ABI1: variants seen among roughly 807,000 people sequenced by gnomAD.
ABI1 encodes the protein Abelson interactor 1.
ABI1 carries 14 observed loss-of-function variants against 54.6 expected under a neutral mutation model. That is an observed-to-expected ratio of 0.26 (90% CI 0.17 to 0.40). The LOEUF is 0.40. ABI1 is among the 10% of genes least tolerant of loss of function. ABI1 has a pLI of 1.00. For missense variants in ABI1, 443 were observed against 598.3 expected (o/e 0.74, Z 2.71); for synonymous variants, 194 against 209.3 (o/e 0.93, Z 0.63).
chr10:26,755,633 A>T (rs898643176), intron 9 of ABI1, 22 bp downstream of exon 9: 8 of 1,582,124 alleles, frequency 5.1e-6, no homozygotes, highest in Non-Finnish European at 6.9e-6. Context: ...ACTCTTCCAT[A>T]GCTCAGTTTT....
intron 1 of ABI1, among the ~76,000 whole-genome samples, chr10:26,835,105 A>AAAAC (rs1554829824): frequency 1.3e-5 from 2 of 149,650 alleles, no homozygotes; most frequent in Non-Finnish European, 1.5e-5. Context: ...AAAAAAAAAA[A>AAAAC]AAAAAAAAAA....
intron 2 of ABI1, among the ~76,000 whole-genome samples, chr10:26,781,483 A>T (rs913706558): frequency 6.6e-6 from 1 of 152,204 alleles, no homozygotes; most frequent in African/African-American, 2.4e-5. Flanking sequence ...TTCACTGATG[A>T]TTCAACTAAG....
intron 8 of ABI1, among the ~76,000 whole-genome samples, chr10:26,757,956 T>C (rs1335232260): frequency 6.6e-6 from 1 of 150,382 alleles, no homozygotes; most frequent in Non-Finnish European, 1.5e-5. Flanking sequence ...TAATCCCAGC[T>C]ACTCAGGTGG....
chr10:26,823,341 G>C (rs369947985), intron 1 of ABI1, 36 bp from the exon 2 acceptor site: 13 of 1,410,240 alleles, frequency 9.2e-6, no homozygotes, highest in Admixed American at 2.8e-5. Flanking sequence ...TACTTATTTA[G>C]ATTAACATTC....
Position 26,785,689 on chromosome 10 carries a change from C to T in ABI1, c.286-8448G>A, listed in dbSNP as rs538980650. On this transcript the variant is annotated intron_variant, in intron 2 of 10. Coordinates refer to ENST00000376140, the MANE Select transcript of ABI1 (RefSeq NM_001012750.3). ...GCAGTGAACCAAGATCAAGCCACTG[C>T]ACTCTAGCCTGGGCGACAGAGTCAG... Among the ~76,000 whole-genome samples the T allele has an allele frequency of 4.6e-5, 7 of 151,712 alleles. No homozygotes were observed. The East Asian group carries it at 1.4e-3, about 29-fold the overall frequency.
intron 2 of ABI1, among the ~76,000 whole-genome samples, chr10:26,817,495 G>C (rs1366609676): frequency 1.3e-5 from 2 of 152,120 alleles, no homozygotes; most frequent in African/African-American, 4.8e-5. Flanking sequence ...AAATAAGCTG[G>C]GCACAATGGC....
chr10:26,809,008 G>A (rs185390540), intron 2 of ABI1, among the ~76,000 whole-genome samples: 3 of 151,442 alleles, frequency 2.0e-5, no homozygotes, highest in East Asian at 2.0e-4. Flanking sequence ...GGTGGCTCAC[G>A]CCTGTAATCC....
At position 26,770,134 on chromosome 10, in the gene ABI1, C is replaced by T. The variant is rs371746671; in HGVS notation, c.578+111G>A. 12 of 767,212 alleles carry T rather than the reference C, an allele frequency of 1.6e-5. No homozygotes were observed. The Middle Eastern group carries it at 9.5e-4, about 61-fold the overall frequency. 47.5% of individuals were successfully genotyped at this position (767,212 alleles called of 1,614,324 possible). A position where few individuals can be genotyped will look rare whatever the true frequency, so the allele number is the denominator to read the frequency against. Reference sequence around the variant, plus strand: ...ATTAAAATGAATTTGTAAAAGGTAGCGTCACATAGAGAGGGTAGTGTGGCA... The same window carrying T: ...ATTAAAATGAATTTGTAAAAGGTAGTGTCACATAGAGAGGGTAGTGTGGCA... On this transcript the variant is annotated intron_variant, in intron 5 of 10. Coordinates refer to ENST00000376140, the MANE Select transcript of ABI1 (RefSeq NM_001012750.3).
chr10:26,791,610 T>C (rs1290780044), intron 2 of ABI1, among the ~76,000 whole-genome samples: 2 of 152,122 alleles, frequency 1.3e-5, no homozygotes, highest in African/African-American at 4.8e-5. Context: ...AACTTGCCTA[T>C]TGAGATACGA....
intron 7 of ABI1, among the ~76,000 whole-genome samples, chr10:26,762,461 A>G (rs1040868473): frequency 5.9e-5 from 9 of 152,028 alleles, no homozygotes; most frequent in Non-Finnish European, 8.8e-5. Flanking sequence ...CACTCTGAAA[A>G]CCACTGTTCT....
rs530972142 is a variant in ABI1, at chr10:26,770,208, A to G, written c.578+37T>C. ...TCACAGAAACATCTTTTCCTTTAGC[A>G]TATGAATTCTTTTGCAAAATGTAGT... On this transcript the variant is annotated intron_variant, in intron 5 of 10. Coordinates refer to ENST00000376140, the MANE Select transcript of ABI1 (RefSeq NM_001012750.3). 27 of 1,534,772 alleles carry G rather than the reference A, an allele frequency of 1.8e-5. No homozygotes were observed. In the South Asian group the frequency reaches 2.8e-4, roughly 16 times the overall value.
intron 2 of ABI1, among the ~76,000 whole-genome samples, chr10:26,811,687 A>T (rs184453876): frequency 1.1e-4 from 16 of 152,254 alleles, no homozygotes; most frequent in African/African-American, 3.6e-4. Context: ...TTAAAATTCC[A>T]ATTTTAATCT....
intron 3 of ABI1, among the ~76,000 whole-genome samples, chr10:26,772,045 G>T (rs1012666080): frequency 1.3e-5 from 2 of 150,618 alleles, no homozygotes; most frequent in Non-Finnish European, 3.0e-5. Context: ...CCATTTTTCA[G>T]GTGGCCACAA....
intron 1 of ABI1, among the ~76,000 whole-genome samples, chr10:26,839,346 A>C (rs2049316911): frequency 6.6e-6 from 1 of 152,056 alleles, no homozygotes; most frequent in Non-Finnish European, 1.5e-5. Context: ...AAATATAAAA[A>C]TTAGCCAGGC....
At chr10:26,836,271 C>T (rs1380751731) in intron 1 of ABI1, among the ~76,000 whole-genome samples, 1 of 151,928 alleles carries the variant, frequency 6.6e-6, no homozygotes, top group East Asian at 1.9e-4. Flanking sequence ...CGCCACCACA[C>T]CTGGCTATTT....
intron 1 of ABI1, among the ~76,000 whole-genome samples, chr10:26,836,009 T>A (rs569358310): frequency 6.6e-5 from 10 of 152,248 alleles, no homozygotes; most frequent in Non-Finnish European, 1.3e-4. Context: ...TGCCTCAGCC[T>A]CCTAAACTGC....
chr10:26,798,582 C>T (rs529918487), intron 2 of ABI1, among the ~76,000 whole-genome samples: 1 of 152,092 alleles, frequency 6.6e-6, no homozygotes, highest in Admixed American at 6.6e-5. Flanking sequence ...AACTTCTGAC[C>T]TCCAGAACTG....
At position 26,847,953 on chromosome 10, in the gene ABI1, G is replaced by A. The variant is rs149053017; in HGVS notation, c.117+12794C>T. ...GAGGCCGAGTCAGGAGGATTGCTAC[G>A]TTGGGAGGCCGAGTCAGGAGGATTG... On this transcript the variant is annotated intron_variant, in intron 1 of 10. Coordinates refer to ENST00000376140, the MANE Select transcript of ABI1 (RefSeq NM_001012750.3). 2.2e-3 allele frequency among the ~76,000 whole-genome samples: 334 copies of A among 151,682 alleles called. 3 individuals carry two copies. The highest frequency in any genetic ancestry group is 7.7e-3 in the African/African-American group (320 of 41,386).
At chr10:26,844,881 C>G (rs1003495992) in intron 1 of ABI1, among the ~76,000 whole-genome samples, 1 of 152,184 alleles carries the variant, frequency 6.6e-6, no homozygotes, top group African/African-American at 2.4e-5. Flanking sequence ...TCATGAAATA[C>G]TCTTTACAGT....
Sources: gnomAD v4.1 joint callset for allele counts (sites outside exome capture counted in the v4.1 genomes callset) on GRCh38, gnomAD v4.1.1 for gene constraint, MANE v1.5 for transcripts, NCBI Gene and HGNC (gene_info 2026-07-23, HGNC 2026-07-21) for gene names.